Variants in SMC1A observed in about 807,000 individuals in gnomAD.
SMC1A encodes structural maintenance of chromosomes 1A.
SMC1A carries 4 observed loss-of-function variants against 94.5 expected under a neutral mutation model. The observed-to-expected ratio is 0.04, with a 90% CI of 0.02 to 0.10. The LOEUF (loss-of-function observed/expected upper bound fraction) is 0.10. SMC1A is among the 10% of genes least tolerant of loss of function. The probability of loss-of-function intolerance (pLI) is 1.00; values close to 1 mark genes in which losing one functional copy is unlikely to be tolerated. For missense variants in SMC1A, 304 were observed against 989.0 expected, an observed-to-expected ratio of 0.31 and a Z score of 9.29; for synonymous variants, 345 against 347.7, an observed-to-expected ratio of 0.99 and a Z score of 0.09.
chrX:53,386,407 T>C (rs1305082242), intron 19 of SMC1A, among the ~76,000 whole-genome samples: 1 of 112,092 alleles, frequency 8.9e-6, no homozygotes, highest in South Asian at 3.6e-4. Context: ...TTAGAACATC[T>C]AGAGAAATTC....
chrX:53,417,922 T>C (rs1375003145), intron 1 of SMC1A, among the ~76,000 whole-genome samples: 2 of 112,120 alleles, frequency 1.8e-5, no homozygotes, highest in East Asian at 5.6e-4. Context: ...AACAAATATA[T>C]GAAAACGTAA....
intron 19 of SMC1A, among the ~76,000 whole-genome samples, chrX:53,386,544 C>T (rs2075605188): frequency 9.0e-6 from 1 of 111,147 alleles, no homozygotes; most frequent in African/African-American, 3.3e-5. Context: ...GCTGAAGTAT[C>T]ACGACCACAC....
intron 19 of SMC1A, among the ~76,000 whole-genome samples, chrX:53,383,858 A>AG (rs1376551460): frequency 1.8e-5 from 2 of 111,846 alleles, no homozygotes; most frequent in Admixed American, 9.5e-5. Context: ...CACAGAGCTC[A>AG]GGGGTCTAAC....
chrX:53,419,801 G>T (rs1556891801), intron 1 of SMC1A, among the ~76,000 whole-genome samples: 1 of 103,983 alleles, frequency 9.6e-6, no homozygotes, highest in East Asian at 3.0e-4. Flanking sequence ...TCCAGCCTGG[G>T]CGACAGAGAA....
In SMC1A at chrX:53,422,654, T is replaced by A; in HGVS notation, c.-54A>T. The A allele has an allele frequency of 1.2e-6, 1 of 814,664 alleles. No individual in the cohort carries two copies. Among genetic ancestry groups the A allele is most frequent in the Non-Finnish European group, 1.9e-6 (1 of 538,857 alleles). The allele number at this position is 814,664 out of a possible 1,213,427, so 67.1% of individuals were successfully genotyped here. On this transcript the variant is annotated 5_prime_UTR_variant, in exon 1 of 25. Coordinates refer to ENST00000322213, the MANE Select transcript of SMC1A (RefSeq NM_006306.4). ...CAGGCCGCGCCGTACGCCCGAGAAC[T>A]GAGGTAGCCCGCGCGGGAAACGCCG...
chrX:53,419,966 G>A (rs1279110088), intron 1 of SMC1A, among the ~76,000 whole-genome samples: 1 of 111,169 alleles, frequency 9.0e-6, no homozygotes, highest in Non-Finnish European at 1.9e-5. Context: ...CTTGGGCTTA[G>A]AACCAACAGA....
At chrX:53,396,772 T>C (rs782550518) in intron 16 of SMC1A, among the ~76,000 whole-genome samples, 155 bp from the exon 17 acceptor site, 1 of 111,594 alleles carries the variant, frequency 9.0e-6, no homozygotes, top group Non-Finnish European at 1.9e-5. Flanking sequence ...CAGCCTCCTA[T>C]CTTTTTAAAA....
intron 19 of SMC1A, among the ~76,000 whole-genome samples, chrX:53,394,548 G>A (rs1055203950): frequency 1.7e-4 from 19 of 111,180 alleles, no homozygotes; most frequent in Non-Finnish European, 3.2e-4. Context: ...GGCAAGGGCA[G>A]GGGCAACTTG....
chrX:53,394,895 T>C lies in SMC1A; in HGVS notation c.2863-7A>G. 7 of 1,091,938 alleles carry C rather than the reference T, an allele frequency of 6.4e-6. No homozygotes were observed. The highest frequency in any genetic ancestry group is 1.8e-5 in the African/African-American group (1 of 55,650). 90.0% of individuals were successfully genotyped at this position (1,091,938 alleles called of 1,213,427 possible). On this transcript the variant is annotated splice_polypyrimidine_tract_variant and splice_region_variant and intron_variant, in intron 18 of 24. Transcript: ENST00000322213. ...CCTCCCCCTGGGAGCTACCCTGCAA[T>C]GGCAACGGAGAGTCAAGTGGAGCAG...
At chrX:53,404,651 G>A (rs1163842447) in intron 13 of SMC1A, among the ~76,000 whole-genome samples, 4 of 110,538 alleles carry the variant, frequency 3.6e-5, no homozygotes, top group African/African-American at 9.9e-5. Flanking sequence ...CTGCCACCAC[G>A]CCCAGCTAAT....
chrX:53,404,308 GA>G (rs1344841309), intron 13 of SMC1A, among the ~76,000 whole-genome samples: 2 of 109,573 alleles, frequency 1.8e-5, no homozygotes, highest in Non-Finnish European at 3.8e-5. Context: ...AATATACCTA[GA>G]ACAGTCCCCC....
rs2075645968 is a variant in SMC1A at position 53,395,040 on chromosome X, A to G, written c.2863-152T>C. On this transcript the variant is annotated intron_variant, in intron 18 of 24. Transcript: ENST00000322213. ...AGAGGCTTTGCAGGCAGAATGACTC[A>G]AGTTCAAAATTGAGCTCTATGGCCA... The G allele has an allele frequency of 8.1e-6, 4 of 494,501 alleles. No homozygotes were observed. The South Asian group carries it at 1.0e-4, about 13-fold the overall frequency. 40.8% of individuals were successfully genotyped at this position (494,501 alleles called of 1,213,427 possible).
rs190169659 is a variant in SMC1A at position 53,388,282 on chromosome X, A to G, written c.2974-5029T>C. Among the ~76,000 whole-genome samples the G allele has an allele frequency of 5.4e-5, 6 of 111,571 alleles. No individual in the cohort carries two copies. In the South Asian group the frequency reaches 1.9e-3, roughly 35 times the overall value. On this transcript the variant is annotated intron_variant, in intron 19 of 24. Transcript: ENST00000322213. ...GTCCAATCCGGTTGCCAGTAGCCACATGTGGCTACTTAGCACGTGATATTT... is the reference window on the plus strand; with the variant it reads ...GTCCAATCCGGTTGCCAGTAGCCACGTGTGGCTACTTAGCACGTGATATTT...
intron 7 of SMC1A, 104 bp from the exon 8 acceptor site, chrX:53,409,607 C>T: frequency 1.6e-6 from 1 of 624,167 alleles, no homozygotes; most frequent in Non-Finnish European, 2.7e-6. Context: ...AAGAGCCGAA[C>T]AGTCCAGGAC....
Position 53,411,846 on chromosome X carries a change from G to A in SMC1A, c.1169C>T (p.Ala390Val). Residue 390 changes from alanine to valine, a missense_variant, in exon 7 of 25, where the codon GCC (alanine) becomes GTC (valine). Ala to Val is a moderately conservative substitution (Grantham distance 64). Around this residue, in one of 11 missense-constraint regions of SMC1A, gnomAD observed 120 missense variants for 314.9 expected, o/e 0.38. Transcript: ENST00000322213. ...TCGATTGAATTTCTCCAGCTCCTGGGCCAGGGTAGCTGCTCTCTTGCTGGC... is the reference window on the plus strand; with the variant it reads ...TCGATTGAATTTCTCCAGCTCCTGGACCAGGGTAGCTGCTCTCTTGCTGGC... ...EEASKRAATLAQELEKFNRDQ... is the reference protein window; with the variant it reads ...EEASKRAATLVQELEKFNRDQ... 2.5e-6 allele frequency: 3 copies of A among 1,211,111 alleles called. No individual in the cohort carries two copies. The highest frequency in any genetic ancestry group is 3.4e-6 in the Non-Finnish European group (3 of 895,144).
In SMC1A at chrX:53,412,221, G is replaced by A; in HGVS notation, c.887C>T (p.Pro296Leu). 8.3e-7 allele frequency: 1 copy of A among 1,211,099 alleles called. No individual in the cohort carries two copies. Residue 296 changes from proline to leucine, a missense_variant, in exon 6 of 25, where the codon CCT becomes CTT. This residue lies in a region of SMC1A where 120 missense variants were observed against 314.9 expected (regional missense o/e 0.38). Transcript: ENST00000322213. ...GTTCTCCTTGGCTTTGATGTACTGA[G>A]GCCGCTTCTGGTTCAATTCTGAGTC... ...EKDSELNQKR[P>L]QYIKAKENTS...
intron 14 of SMC1A, 42 bp downstream of exon 14, chrX:53,403,735 C>T (rs782672719): frequency 1.0e-5 from 12 of 1,173,678 alleles, no homozygotes; most frequent in Middle Eastern, 2.3e-4. Flanking sequence ...AGTCCCAGTC[C>T]TGCCCTGACA....
chrX:53,390,126 G>C (rs2075622141), intron 19 of SMC1A, among the ~76,000 whole-genome samples: 1 of 104,719 alleles, frequency 9.5e-6, no homozygotes, highest in Non-Finnish European at 2.0e-5. Context: ...TTACAGGCGT[G>C]AGCCACCGCA....
At chrX:53,414,927 TA>T (rs2075726417) in intron 2 of SMC1A, 53 bp downstream of exon 2, 1 of 1,197,104 alleles carries the variant, frequency 8.4e-7, no homozygotes, top group Admixed American at 2.2e-5. Flanking sequence ...CCCAATCAAC[TA>T]GTCTAGCCAC....
Sources: allele counts gnomAD v4.1 joint callset (sites outside exome capture counted in the v4.1 genomes callset), GRCh38; gene constraint gnomAD v4.1.1; regional missense constraint gnomAD v4.1.1; transcripts MANE v1.5; gene names NCBI Gene and HGNC (gene_info 2026-07-23, HGNC 2026-07-21).